Variants in NRG3 observed in about 807,000 individuals in gnomAD.
The protein encoded by NRG3 is neuregulin 3, also known as pro-neuregulin-3, membrane-bound isoform.
In NRG3, 31 loss-of-function variants were observed where a neutral mutation model predicts 66.9. That is an observed-to-expected ratio of 0.46 (90% CI 0.35 to 0.63). The LOEUF (loss-of-function observed/expected upper bound fraction) is 0.63. Ranked by LOEUF, NRG3 falls within the 20% of genes least tolerant of loss-of-function variation. NRG3 has a pLI of 0.00. For synonymous variants in NRG3, 393 were observed against 359.4 expected (o/e 1.09, Z -1.06); for missense variants, 910 against 878.9 (o/e 1.04, Z -0.45).
At chr10:82,250,069 A>G (rs1275810857) in intron 1 of NRG3, among the ~76,000 whole-genome samples, 1 of 152,164 alleles carries the variant, frequency 6.6e-6, no homozygotes, top group Non-Finnish European at 1.5e-5. Flanking sequence ...CACACAGTGA[A>G]TGAAGCTAAA....
chr10:82,217,597 G>A lies in NRG3; in HGVS notation c.824-141142G>A, dbSNP rs9420914. Among the ~76,000 whole-genome samples, 7 of 152,174 alleles carry A rather than the reference G, an allele frequency of 4.6e-5. No homozygotes were observed. The South Asian group carries it at 6.2e-4, about 14-fold the overall frequency. On this transcript the variant is annotated intron_variant, in intron 1 of 8. Coordinates refer to ENST00000372141, the MANE Select transcript of NRG3 (RefSeq NM_001010848.4). ...AAATGTAAAATACAACATTTTTCTC[G>A]TAGAATTATTGTGATAATTCAAGAA...
intron 1 of NRG3, among the ~76,000 whole-genome samples, chr10:82,156,255 TA>T (rs1219830636): frequency 6.7e-5 from 10 of 148,770 alleles, no homozygotes; most frequent in African/African-American, 2.6e-4. Context: ...CATTTTCATT[TA>T]TTTTTTTTTT....
chr10:82,182,154 G>A (rs1465633307), intron 1 of NRG3, among the ~76,000 whole-genome samples: 1 of 150,406 alleles, frequency 6.6e-6, no homozygotes, highest in South Asian at 2.1e-4. Flanking sequence ...AATCTGTATA[G>A]TCTTTTGTAG....
At chr10:82,614,872 A>T (rs1434278755) in intron 2 of NRG3, among the ~76,000 whole-genome samples, 2 of 152,118 alleles carry the variant, frequency 1.3e-5, no homozygotes, top group African/African-American at 2.4e-5. Context: ...CTAGTAGTTT[A>T]GGTGCATACC....
At chr10:82,455,576 T>G (rs1237687368) in intron 2 of NRG3, among the ~76,000 whole-genome samples, 1 of 151,678 alleles carries the variant, frequency 6.6e-6, no homozygotes. Context: ...TACACTACTA[T>G]GGACTTCATA....
chr10:82,847,578 C>T (rs2063361568), intron 3 of NRG3, among the ~76,000 whole-genome samples: 1 of 152,174 alleles, frequency 6.6e-6, no homozygotes, highest in Non-Finnish European at 1.5e-5. Context: ...CACTATATCA[C>T]ATTCCTTTAG....
chr10:82,493,812 C>T (rs1379675752), intron 2 of NRG3, among the ~76,000 whole-genome samples: 2 of 152,122 alleles, frequency 1.3e-5, no homozygotes, highest in African/African-American at 4.8e-5. Flanking sequence ...AAACAGGCAA[C>T]CTACAGAGTG....
chr10:82,796,058 A>C (rs532624542), intron 3 of NRG3, among the ~76,000 whole-genome samples: 39 of 152,268 alleles, frequency 2.6e-4, no homozygotes, highest in Non-Finnish European at 4.1e-4. Context: ...GTTAAATAAT[A>C]CTGCATACTG....
At chr10:82,293,097 T>G (rs1253010089) in intron 1 of NRG3, among the ~76,000 whole-genome samples, 3 of 152,166 alleles carry the variant, frequency 2.0e-5, no homozygotes, top group African/African-American at 7.2e-5. Context: ...GGAGGAGGCT[T>G]TTGGCCCCTG....
At chr10:82,867,662 TAGG>T (rs1355324979) in intron 4 of NRG3, among the ~76,000 whole-genome samples, 1 of 152,026 alleles carries the variant, frequency 6.6e-6, no homozygotes, top group African/African-American at 2.4e-5. Flanking sequence ...TCAGCTAAAA[TAGG>T]AGAACAAAAA....
At chr10:82,736,407 C>T (rs755870557) in intron 2 of NRG3, among the ~76,000 whole-genome samples, 4 of 152,218 alleles carry the variant, frequency 2.6e-5, no homozygotes, top group Non-Finnish European at 5.9e-5. Context: ...GGAAATTTTA[C>T]TTTGTTTTTC....
At chr10:82,730,074 TC>T (rs915740009) in intron 2 of NRG3, among the ~76,000 whole-genome samples, 7 of 150,740 alleles carry the variant, frequency 4.6e-5, no homozygotes, top group African/African-American at 1.7e-4. Flanking sequence ...CATTTTCTTT[TC>T]TTTTTTTTTT....
chr10:82,817,923 A>C (rs1277424936), intron 3 of NRG3, among the ~76,000 whole-genome samples: 3 of 152,230 alleles, frequency 2.0e-5, no homozygotes, highest in Admixed American at 6.5e-5. Context: ...TTTATGATAA[A>C]TAAGTGTGAT....
intron 1 of NRG3, among the ~76,000 whole-genome samples, chr10:82,147,023 T>C (rs577508241): frequency 7.4e-4 from 112 of 152,312 alleles, no homozygotes; most frequent in African/African-American, 2.6e-3. Context: ...CCAGGCCTGA[T>C]TGTCTATCTC....
chr10:82,103,838 C>T (rs893693851), intron 1 of NRG3, among the ~76,000 whole-genome samples: 4 of 151,662 alleles, frequency 2.6e-5, no homozygotes, highest in Admixed American at 6.6e-5. Flanking sequence ...ATTCTGCCAC[C>T]GGGAAAGACA....
chr10:82,097,821 A>G (rs756416168), intron 1 of NRG3, among the ~76,000 whole-genome samples: 3 of 152,032 alleles, frequency 2.0e-5, no homozygotes, highest in Non-Finnish European at 4.4e-5. Context: ...GTGTAGTAGT[A>G]TGTTGTGGTT....
chr10:82,077,979 C>A (rs2065181328), intron 1 of NRG3, among the ~76,000 whole-genome samples: 1 of 152,052 alleles, frequency 6.6e-6, no homozygotes, highest in African/African-American at 2.4e-5. Context: ...CTTACTTTGT[C>A]TTTGAGAGAC....
chr10:82,339,215 G>A (rs2082550993), intron 1 of NRG3, among the ~76,000 whole-genome samples: 1 of 152,118 alleles, frequency 6.6e-6, no homozygotes, highest in Admixed American at 6.6e-5. Context: ...ACATTTTAGG[G>A]GTTAATGCTA....
At chr10:82,340,236 C>T (rs1293081843) in intron 1 of NRG3, among the ~76,000 whole-genome samples, 4 of 152,186 alleles carry the variant, frequency 2.6e-5, no homozygotes, top group Admixed American at 6.5e-5. Context: ...GCAAAGGCTG[C>T]ATTAAGATAT....
Sources: allele counts gnomAD v4.1 joint callset (sites outside exome capture counted in the v4.1 genomes callset), GRCh38; gene constraint gnomAD v4.1.1; transcripts MANE v1.5; gene names NCBI Gene and HGNC (gene_info 2026-07-23, HGNC 2026-07-21).